MARCHF3: variants seen among roughly 807,000 people sequenced by gnomAD.
MARCHF3 encodes E3 ubiquitin-protein ligase MARCHF3.
MARCHF3 carries 13 observed loss-of-function variants against 24.2 expected under a neutral mutation model. That is an observed-to-expected ratio of 0.54 (90% CI 0.35 to 0.85). MARCHF3 has a LOEUF of 0.85. Among genes scored for constraint, MARCHF3 ranks in the 40% least tolerant of loss-of-function variants. MARCHF3 has a pLI of 0.01. For synonymous variants in MARCHF3, 144 were observed against 137.3 expected (o/e 1.05, Z -0.34); for missense variants, 276 against 325.0 (o/e 0.85, Z 1.16).
intron 3 of MARCHF3, 163 bp downstream of exon 3, chr5:126,914,767 A>AAC (rs58386463): frequency 0.076 from 36,354 of 477,254 alleles, 771 homozygotes; most frequent in African/African-American, 0.17. Flanking sequence ...CTCTTTCTCA[A>AAC]ACACACACAC....
intron 4 of MARCHF3, among the ~76,000 whole-genome samples, chr5:126,876,745 G>T (rs1164705780): frequency 1.3e-5 from 2 of 152,038 alleles, no homozygotes; most frequent in Non-Finnish European, 2.9e-5. Context: ...TGCCTTCTAG[G>T]TTCAAGCAAT....
chr5:126,897,213 A>G (rs532261123), intron 3 of MARCHF3, among the ~76,000 whole-genome samples: 3 of 151,430 alleles, frequency 2.0e-5, no homozygotes, highest in South Asian at 4.2e-4. Context: ...CTAATTTTAT[A>G]TTTTTAGTAG....
intron 1 of MARCHF3, among the ~76,000 whole-genome samples, chr5:127,000,448 C>T (rs569369778): frequency 1.3e-5 from 2 of 152,234 alleles, no homozygotes; most frequent in South Asian, 2.1e-4. Context: ...TCTATGATCC[C>T]TTACACCCCC....
intron 3 of MARCHF3, among the ~76,000 whole-genome samples, chr5:126,893,108 T>G (rs1259434435): frequency 6.6e-6 from 1 of 152,012 alleles, no homozygotes; most frequent in Non-Finnish European, 1.5e-5. Context: ...TGATGGTAGT[T>G]TGTATTTCTG....
rs59031557 is a variant in MARCHF3 at position 126,962,242 on chromosome 5, C to CTA, written c.-56-44017_-56-44016dup. Among the ~76,000 whole-genome samples, 790 of 151,350 alleles carry CTA rather than the reference C, an allele frequency of 5.2e-3. 8 individuals carry two copies. Among genetic ancestry groups the CTA allele is most frequent in the African/African-American group, 0.018 (761 of 41,344 alleles). On this transcript the variant is annotated intron_variant, in intron 1 of 4. Transcript: ENST00000308660. ...TATCTATATCTATATATCTCTCTCT[C>CTA]TATATATATATATCTCTGCAGATTG...
intron 1 of MARCHF3, among the ~76,000 whole-genome samples, chr5:126,934,205 T>G (rs987381899): frequency 3.3e-5 from 5 of 152,168 alleles, no homozygotes; most frequent in African/African-American, 1.2e-4. Flanking sequence ...TACAATATTA[T>G]TAGGACCCAT....
intron 1 of MARCHF3, among the ~76,000 whole-genome samples, chr5:126,920,223 G>C (rs1749058528): frequency 7.5e-6 from 1 of 133,508 alleles, no homozygotes; most frequent in South Asian, 2.4e-4. Flanking sequence ...TTGTGACTGG[G>C]GCCAGACAGT....
intron 1 of MARCHF3, among the ~76,000 whole-genome samples, chr5:126,980,098 C>T (rs555301519): frequency 3.3e-5 from 5 of 152,204 alleles, no homozygotes; most frequent in South Asian, 2.1e-4. Context: ...GATGTCACCA[C>T]GAACATCTAT....
chr5:126,987,256 C>A (rs1751597341), intron 1 of MARCHF3, among the ~76,000 whole-genome samples: 1 of 152,180 alleles, frequency 6.6e-6, no homozygotes, highest in Admixed American at 6.5e-5. Context: ...CCTAGAAATC[C>A]ACTGTCATTC....
At chr5:126,992,993 C>T (rs1428166556) in intron 1 of MARCHF3, among the ~76,000 whole-genome samples, 2 of 152,048 alleles carry the variant, frequency 1.3e-5, no homozygotes, top group African/African-American at 2.4e-5. Flanking sequence ...AGGATGGTCT[C>T]GATCTCCTGA....
chr5:126,897,196 C>T (rs1316670177), intron 3 of MARCHF3, among the ~76,000 whole-genome samples: 4 of 151,712 alleles, frequency 2.6e-5, no homozygotes, highest in Admixed American at 6.6e-5. Flanking sequence ...TGTGCCACCA[C>T]GCCCGGCTAA....
intron 1 of MARCHF3, chr5:127,029,830 G>C (rs1753118200): frequency 6.6e-6 from 1 of 152,300 alleles, no homozygotes; most frequent in South Asian, 2.1e-4. Context: ...TCAAAGCCCA[G>C]CAGTGCTCTC....
At chr5:126,900,076 C>T (rs1040566830) in intron 3 of MARCHF3, among the ~76,000 whole-genome samples, 1 of 152,108 alleles carries the variant, frequency 6.6e-6, no homozygotes, top group East Asian at 1.9e-4. Flanking sequence ...TCCCTCCTTG[C>T]TAACTCTCTG....
intron 1 of MARCHF3, among the ~76,000 whole-genome samples, chr5:127,021,577 G>T (rs2126864075): frequency 6.6e-6 from 1 of 152,280 alleles, no homozygotes; most frequent in East Asian, 1.9e-4. Context: ...TCTTGAAACG[G>T]TCACTATCGG....
chr5:126,871,647 G>T (rs1215791136), intron 4 of MARCHF3, among the ~76,000 whole-genome samples: 1 of 152,060 alleles, frequency 6.6e-6, no homozygotes, highest in East Asian at 1.9e-4. Flanking sequence ...CTGAGTAAAT[G>T]AATGAGTGAA....
chr5:126,932,040 GC>G (rs1336824720), intron 1 of MARCHF3, among the ~76,000 whole-genome samples: 1 of 152,218 alleles, frequency 6.6e-6, no homozygotes, highest in African/African-American at 2.4e-5. Flanking sequence ...TATATAAAGT[GC>G]CTAGCACAAA....
chr5:126,979,854 A>C (rs2126835154), intron 1 of MARCHF3, among the ~76,000 whole-genome samples: 1 of 149,354 alleles, frequency 6.7e-6, no homozygotes, highest in Admixed American at 6.7e-5. Context: ...AGGCTGAGGC[A>C]GGAGAACCGC....
chr5:126,982,646 C>G (rs1751429668), intron 1 of MARCHF3, among the ~76,000 whole-genome samples: 1 of 152,140 alleles, frequency 6.6e-6, no homozygotes, highest in South Asian at 2.1e-4. Flanking sequence ...CATCAGAAGA[C>G]CTGGGTTTGA....
intron 1 of MARCHF3, among the ~76,000 whole-genome samples, chr5:126,923,946 A>ATT (rs113886939): frequency 2.0e-3 from 292 of 147,848 alleles, no homozygotes; most frequent in African/African-American, 6.6e-3. Flanking sequence ...TCCATTCACT[A>ATT]TTTTTTTTTT....
Sources: allele counts gnomAD v4.1 joint callset (sites outside exome capture counted in the v4.1 genomes callset), GRCh38; gene constraint gnomAD v4.1.1; transcripts MANE v1.5; gene names NCBI Gene and HGNC (gene_info 2026-07-23, HGNC 2026-07-21).